The following ZXDC variants were observed in gnomAD, a reference collection of about 807,000 sequenced individuals.
ZXDC encodes ZXD family zinc finger C, also known as zinc finger protein ZXDC.
In ZXDC, 58 loss-of-function variants were observed where a neutral mutation model predicts 63.6. That is an observed-to-expected ratio of 0.91 (90% CI 0.74 to 1.13). The LOEUF is 1.13. ZXDC is among the 50% of genes most tolerant of loss of function. The pLI is 0.00. For synonymous variants in ZXDC, 561 were observed against 496.1 expected (o/e 1.13, Z -1.74); for missense variants, 1,133 against 1,148.9 (o/e 0.99, Z 0.20).
intron 7 of ZXDC, among the ~76,000 whole-genome samples, chr3:126,445,386 C>T (rs1480458769): frequency 6.6e-6 from 1 of 152,006 alleles, no homozygotes; most frequent in Non-Finnish European, 1.5e-5. Flanking sequence ...CCCCTAGACA[C>T]ATCTCTGCAC....
At chr3:126,454,569 AGT>A in intron 7 of ZXDC, 1 of 985,422 alleles carries the variant, frequency 1.0e-6, no homozygotes, top group Non-Finnish European at 1.2e-6. Flanking sequence ...CACAGCGGAG[AGT>A]GTGCTTCCCA....
intron 7 of ZXDC, chr3:126,450,455 G>GC (rs1934056662): frequency 2.2e-6 from 1 of 456,594 alleles, no homozygotes; most frequent in Non-Finnish European, 4.4e-6. Flanking sequence ...GTATGACAAA[G>GC]CCCCTGCATC....
At chr3:126,445,748 C>T (rs544179345) in intron 7 of ZXDC, among the ~76,000 whole-genome samples, 1 of 152,172 alleles carries the variant, frequency 6.6e-6, no homozygotes, top group East Asian at 1.9e-4. Context: ...GAGAACAGGG[C>T]AGCCAGGGGA....
At chr3:126,460,826 T>C (rs911596216) in intron 6 of ZXDC, 2 of 985,268 alleles carry the variant, frequency 2.0e-6, no homozygotes, top group East Asian at 1.1e-4. Flanking sequence ...TTTTTAAAAG[T>C]TGTGGTAAAA....
chr3:126,473,349 C>G (rs73862705), intron 1 of ZXDC, among the ~76,000 whole-genome samples: 2,620 of 152,282 alleles, frequency 0.017, 79 homozygotes, highest in African/African-American at 0.059. Context: ...CTGGCTCAGG[C>G]CTTCAGAAAA....
intron 1 of ZXDC, among the ~76,000 whole-genome samples, chr3:126,474,591 A>G (rs989607260): frequency 3.9e-5 from 6 of 152,352 alleles, no homozygotes; most frequent in Non-Finnish European, 5.9e-5. Context: ...CTGCTCCTCT[A>G]GCACGGAGTG....
intron 5 of ZXDC, 149 bp downstream of exon 5, chr3:126,466,006 T>G (rs574949513): frequency 1.2e-6 from 1 of 824,144 alleles, no homozygotes; most frequent in Non-Finnish European, 1.9e-6. Flanking sequence ...TGGCAGAGAG[T>G]GCAAAAGAGG....
Position 126,475,440 on chromosome 3 carries a change from G to C in ZXDC, c.426C>G (p.Arg142=). The C allele has an allele frequency of 8.4e-7, 1 of 1,189,724 alleles. No individual in the cohort carries two copies. The highest frequency in any genetic ancestry group is 1.0e-6 in the Non-Finnish European group (1 of 962,888). 73.7% of individuals were successfully genotyped at this position (1,189,724 alleles called of 1,614,324 possible). ...SSQDLLVRLD[R]GVLALSAPPG... is the part of the protein sequence containing the mutation. ...GCGGCGCAGACAGCGCGAGGACGCC[G>C]CGGTCGAGACGCACCAGCAGGTCCT... Residue 142 remains arginine, a synonymous_variant, in exon 1 of 10, where the codon CGC becomes CGG. Transcript: ENST00000389709.
chr3:126,472,019 A>G lies in ZXDC; in HGVS notation c.1093T>C (p.Cys365Arg). 1 of 1,613,814 alleles carries G rather than the reference A, an allele frequency of 6.2e-7. No individual in the cohort carries two copies. The highest frequency in any genetic ancestry group is 8.5e-7 in the Non-Finnish European group (1 of 1,179,890). Residue 365 changes from cysteine to arginine, a missense_variant, in exon 3 of 10, where the codon TGT becomes CGT. Coordinates refer to ENST00000389709, the MANE Select transcript of ZXDC (RefSeq NM_025112.5). ...GACATGCTGGTGAAGGTCCAGCCAC[A>G]GCTGTCAGAGTCACAAATAAATGGT... ...ERPFICDSDS[C>R]GWTFTSMSKL...
chr3:126,452,133 C>T (rs745542990), intron 7 of ZXDC: 45 of 985,402 alleles, frequency 4.6e-5, no homozygotes, highest in South Asian at 9.4e-5. Flanking sequence ...GTGCCCAGTG[C>T]GCTGGATCCT....
chr3:126,444,074 G>T (rs954754001), intron 7 of ZXDC, among the ~76,000 whole-genome samples: 1 of 152,154 alleles, frequency 6.6e-6, no homozygotes, highest in African/African-American at 2.4e-5. Context: ...TCACAACTTT[G>T]CAGCTGCAGG....
At chr3:126,470,800 G>T in intron 4 of ZXDC, 95 bp downstream of exon 4, 1 of 1,525,690 alleles carries the variant, frequency 6.6e-7, no homozygotes, top group Non-Finnish European at 9.0e-7. Flanking sequence ...CAGTCTTTAA[G>T]CAGCTAACAT....
chr3:126,466,361 G>A (rs1186254822), intron 4 of ZXDC, 36 bp from the exon 5 acceptor site: 8 of 1,613,022 alleles, frequency 5.0e-6, no homozygotes, highest in Non-Finnish European at 6.8e-6. Flanking sequence ...GAAACCCAAG[G>A]ATCACCAAGG....
chr3:126,457,149 G>A lies in ZXDC; in HGVS notation c.2212+2504C>T, dbSNP rs902377802. ...GAACCTGGAACAGGGAAGGGCACTG[G>A]GGGAGTCTGGTCACATTCACATCAA... is the stretch of plus-strand genomic sequence containing the variant. On this transcript the variant is annotated intron_variant, in intron 7 of 9. Coordinates refer to ENST00000389709, the MANE Select transcript of ZXDC (RefSeq NM_025112.5). 11 of 520,122 alleles carry A rather than the reference G, an allele frequency of 2.1e-5. No homozygotes were observed. The East Asian group carries it at 1.3e-3, about 63-fold the overall frequency. 32.2% of individuals were successfully genotyped at this position (520,122 alleles called of 1,614,324 possible). A position where few individuals can be genotyped will look rare whatever the true frequency, so the allele number is the denominator to read the frequency against.
rs1388718246 is a variant in ZXDC, at chr3:126,461,405, T to C, written c.2127+130A>G. ...TCATAAGAACTTGTCAGTTCCAGAC[T>C]TGTAGTCCAGGGCTGCGTCCTTTTG... On this transcript the variant is annotated intron_variant, in intron 6 of 9. Transcript: ENST00000389709. 6 of 1,433,434 alleles carry C rather than the reference T, an allele frequency of 4.2e-6. No homozygotes were observed. The South Asian group carries it at 4.6e-5, about 11-fold the overall frequency. The allele number at this position is 1,433,434 out of a possible 1,614,324, so 88.8% of individuals were successfully genotyped here.
intron 6 of ZXDC, chr3:126,461,041 C>T (rs1202733671): frequency 1.0e-6 from 1 of 984,500 alleles, no homozygotes; most frequent in African/African-American, 1.8e-5. Flanking sequence ...TGGGGAAGTA[C>T]TCTTATAATC....
intron 1 of ZXDC, 86 bp from the exon 2 acceptor site, chr3:126,472,391 T>C: frequency 6.7e-7 from 1 of 1,494,504 alleles, no homozygotes. Flanking sequence ...CCAGACCCTG[T>C]TCACACTGAA....
chr3:126,459,865 A>T, intron 6 of ZXDC, 128 bp from the exon 7 acceptor site: 1 of 1,559,716 alleles, frequency 6.4e-7, no homozygotes, highest in Non-Finnish European at 8.7e-7. Flanking sequence ...GTCACCAGCA[A>T]GGCACACAAA....
At chr3:126,472,360 A>C (rs1935013960) in intron 1 of ZXDC, 55 bp from the exon 2 acceptor site, 1 of 1,583,422 alleles carries the variant, frequency 6.3e-7, no homozygotes, top group Non-Finnish European at 8.6e-7. Context: ...TATACAACAT[A>C]GCTAATGCTA....
Sources: gnomAD v4.1 joint callset for allele counts (sites outside exome capture counted in the v4.1 genomes callset) on GRCh38, gnomAD v4.1.1 for gene constraint, MANE v1.5 for transcripts, NCBI Gene and HGNC (gene_info 2026-07-23, HGNC 2026-07-21) for gene names.